The following PIP5K1B variants were observed in gnomAD, a reference collection of about 807,000 sequenced individuals.
The protein encoded by PIP5K1B is phosphatidylinositol 4-phosphate 5-kinase type-1 beta.
Under a neutral mutation model 67.0 loss-of-function variants are expected in PIP5K1B, and 42 were observed. The observed-to-expected ratio is 0.63, with a 90% CI of 0.49 to 0.81. PIP5K1B has a LOEUF of 0.81. Among genes scored for constraint, PIP5K1B ranks in the 30% least tolerant of loss-of-function variants. The pLI, the probability that PIP5K1B is intolerant of heterozygous loss-of-function variation, is 0.00. For synonymous variants in PIP5K1B, 214 were observed against 231.4 expected (o/e 0.92, Z 0.68); for missense variants, 459 against 646.3 (o/e 0.71, Z 3.14).
At chr9:68,880,379 C>G (rs899738102) in intron 6 of PIP5K1B, among the ~76,000 whole-genome samples, 1 of 152,084 alleles carries the variant, frequency 6.6e-6, no homozygotes, top group Non-Finnish European at 1.5e-5. Context: ...ATGGCAAAAT[C>G]CCGTCTCTAC....
At position 68,723,031 on chromosome 9, in the gene PIP5K1B, C is replaced by T. The variant is rs771235754; in HGVS notation, c.-243+17269C>T. On this transcript the variant is annotated intron_variant, in intron 1 of 15. Coordinates refer to ENST00000265382, the MANE Select transcript of PIP5K1B (RefSeq NM_003558.4). ...AATCCACATTTTTAGCTCCCACATA[C>T]GAGTGAGAACATGGAATATTTGTCT... is the stretch of plus-strand genomic sequence containing the variant. 8.5e-5 allele frequency among the ~76,000 whole-genome samples: 13 copies of T among 152,116 alleles called. 1 individual carries two copies. The highest frequency in any genetic ancestry group is 1.9e-4 in the East Asian group (1 of 5,204).
chr9:69,008,511 T>G lies in PIP5K1B; in HGVS notation c.*62T>G. On this transcript the variant is annotated 3_prime_UTR_variant, in exon 16 of 16. Transcript: ENST00000265382. ...GTGAGCACAGTTATGGCAGAGAAGTTTCTCCGCACCAGAATTATCCACAGC... is the reference window on the plus strand; with the variant it reads ...GTGAGCACAGTTATGGCAGAGAAGTGTCTCCGCACCAGAATTATCCACAGC... 1.8e-5 allele frequency: 27 copies of G among 1,539,850 alleles called. No individual in the cohort carries two copies. In the South Asian group the frequency reaches 2.9e-4, roughly 17 times the overall value.
At chr9:68,818,826 T>G (rs1446292106) in intron 3 of PIP5K1B, among the ~76,000 whole-genome samples, 1 of 152,176 alleles carries the variant, frequency 6.6e-6, no homozygotes, top group African/African-American at 2.4e-5. Context: ...TATTTTTAAG[T>G]GTAGCAGTGT....
intron 5 of PIP5K1B, among the ~76,000 whole-genome samples, chr9:68,869,968 G>C (rs1483178234): frequency 6.6e-6 from 1 of 152,084 alleles, no homozygotes; most frequent in African/African-American, 2.4e-5. Flanking sequence ...ACTGCTGCTG[G>C]GCAAGCCATA....
intron 14 of PIP5K1B, among the ~76,000 whole-genome samples, chr9:68,961,254 C>T (rs1487989477): frequency 6.7e-6 from 1 of 149,870 alleles, no homozygotes; most frequent in East Asian, 2.0e-4. Flanking sequence ...ACAAATCTAT[C>T]AAGACAGAAA....
intron 2 of PIP5K1B, chr9:68,781,074 A>G (rs992840504): frequency 6.4e-7 from 1 of 1,566,594 alleles, no homozygotes; most frequent in African/African-American, 1.4e-5. Context: ...AGAGAGAATA[A>G]TCTAGTTGGG....
At chr9:68,949,894 C>T (rs750300989) in intron 14 of PIP5K1B, among the ~76,000 whole-genome samples, 9 of 152,134 alleles carry the variant, frequency 5.9e-5, no homozygotes, top group Non-Finnish European at 1.0e-4. Flanking sequence ...GAACACGGTC[C>T]GAACAGTTGG....
At chr9:68,989,552 T>C (rs1473130875) in intron 14 of PIP5K1B, among the ~76,000 whole-genome samples, 4 of 152,098 alleles carry the variant, frequency 2.6e-5, no homozygotes, top group Non-Finnish European at 5.9e-5. Context: ...TTTCTTTTTT[T>C]TTTTCAAATA....
chr9:68,722,695 A>G (rs1283531528), intron 1 of PIP5K1B, among the ~76,000 whole-genome samples: 1 of 151,310 alleles, frequency 6.6e-6, no homozygotes, highest in Non-Finnish European at 1.5e-5. Context: ...TATAATATAT[A>G]ATAGTTGTAG....
At chr9:68,980,771 T>G (rs1829852253) in intron 14 of PIP5K1B, among the ~76,000 whole-genome samples, 1 of 152,186 alleles carries the variant, frequency 6.6e-6, no homozygotes, top group Non-Finnish European at 1.5e-5. Flanking sequence ...GGATATTCTC[T>G]GAGGTTTCTT....
rs1564237808 is a variant in PIP5K1B, at chr9:68,923,381, T to C, written c.1196T>C (p.Ile399Thr). The C allele has an allele frequency of 2.6e-6, 4 of 1,548,418 alleles. No homozygotes were observed. The highest frequency in any genetic ancestry group is 2.7e-6 in the Non-Finnish European group (3 of 1,129,888). ...KFMNSRVFKK[I>T]QALKASPSKK... ...ATGAATTCCAGAGTTTTCAAGAAAA[T>C]TCAAGGTAAGATTCTTATGAATTTT... The change falls in exon 12 of 16, where the codon ATT (isoleucine) becomes ACT (threonine). Residue 399 changes from isoleucine (I) to threonine (T), a missense_variant. Ile to Thr is a moderately conservative substitution (Grantham distance 89, BLOSUM62 -1). Transcript: ENST00000265382.
chr9:68,725,071 A>G (rs1828088017), intron 1 of PIP5K1B, among the ~76,000 whole-genome samples: 1 of 152,208 alleles, frequency 6.6e-6, no homozygotes, highest in Non-Finnish European at 1.5e-5. Context: ...TATCATTCTC[A>G]CTATTTTAAA....
intron 14 of PIP5K1B, among the ~76,000 whole-genome samples, chr9:68,988,600 C>A (rs1186731918): frequency 2.0e-5 from 3 of 151,782 alleles, no homozygotes; most frequent in African/African-American, 7.3e-5. Flanking sequence ...CAGGCATGTG[C>A]CACCATTCCC....
rs180785129 is a variant in PIP5K1B at position 68,756,848 on chromosome 9, A to C, written c.-86+14191A>C. Reference sequence around the variant, plus strand: ...ACATTTAAAAAGAGAAACAAGTAAAACTAATCTTAATGATATATTTTATGT... The same window carrying C: ...ACATTTAAAAAGAGAAACAAGTAAACCTAATCTTAATGATATATTTTATGT... On this transcript the variant is annotated intron_variant, in intron 2 of 15. Transcript: ENST00000265382. 1.6e-4 allele frequency among the ~76,000 whole-genome samples: 24 copies of C among 152,292 alleles called. No homozygotes were observed. The East Asian group carries it at 4.4e-3, about 28-fold the overall frequency.
chr9:68,928,931 G>A (rs923682430), intron 12 of PIP5K1B, among the ~76,000 whole-genome samples: 9 of 152,224 alleles, frequency 5.9e-5, no homozygotes, highest in African/African-American at 1.2e-4. Context: ...TTGGGAGGCC[G>A]GGGTGGGCGG....
chr9:68,772,231 C>T (rs922356306), intron 2 of PIP5K1B, among the ~76,000 whole-genome samples: 3 of 152,184 alleles, frequency 2.0e-5, no homozygotes, highest in African/African-American at 7.2e-5. Context: ...ATGTCAGCTA[C>T]GTAGAGGGAA....
chr9:68,882,569 G>T (rs10511961), intron 6 of PIP5K1B, among the ~76,000 whole-genome samples: 1 of 151,870 alleles, frequency 6.6e-6, no homozygotes, highest in African/African-American at 2.4e-5. Context: ...ATTGGGAGCA[G>T]ATGTTCAGGT....
chr9:68,881,461 C>A (rs1328189708), intron 6 of PIP5K1B, among the ~76,000 whole-genome samples: 2 of 152,226 alleles, frequency 1.3e-5, no homozygotes, highest in Admixed American at 6.5e-5. Context: ...CAAACCCACA[C>A]TTGTAAGATA....
chr9:68,853,430 G>A (rs1435938463), intron 4 of PIP5K1B, among the ~76,000 whole-genome samples: 1 of 152,200 alleles, frequency 6.6e-6, no homozygotes, highest in Non-Finnish European at 1.5e-5. Flanking sequence ...AGAGGCTTGG[G>A]AGAGGGTCTG....
Sources: gnomAD v4.1 joint callset for allele counts (sites outside exome capture counted in the v4.1 genomes callset) on GRCh38, gnomAD v4.1.1 for gene constraint, MANE v1.5 for transcripts, NCBI Gene and HGNC (gene_info 2026-07-23, HGNC 2026-07-21) for gene names.